The following FSD2 variants were observed in gnomAD, a reference collection of about 807,000 sequenced individuals.
FSD2 encodes the protein fibronectin type III and SPRY domain-containing protein 2.
A neutral mutation model predicts 80.4 loss-of-function variants in FSD2; 71 were observed. The observed-to-expected ratio is 0.88, with a 90% CI of 0.73 to 1.08. The LOEUF is 1.08. Among genes scored for constraint, FSD2 ranks in the 50% least tolerant of loss-of-function variants. FSD2 has a pLI of 0.00. For synonymous variants in FSD2, 361 were observed against 329.5 expected, an observed-to-expected ratio of 1.10 and a Z score of -1.03; for missense variants, 923 against 913.8, an observed-to-expected ratio of 1.01 and a Z score of -0.13.
chr15:82,798,815 C>T (rs1320929496), intron 1 of FSD2, among the ~76,000 whole-genome samples: 1 of 151,930 alleles, frequency 6.6e-6, no homozygotes, highest in Admixed American at 6.6e-5. Context: ...CTTTTAATAG[C>T]CACTTCCCAA....
intron 1 of FSD2, among the ~76,000 whole-genome samples, chr15:82,789,381 A>AATAATG (rs2050085094): frequency 6.6e-6 from 1 of 151,476 alleles, no homozygotes; most frequent in African/African-American, 2.4e-5. Context: ...TAATAATAAT[A>AATAATG]GTAAATACAA....
chr15:82,789,264 A>G (rs1463780051), intron 1 of FSD2, among the ~76,000 whole-genome samples: 1 of 151,996 alleles, frequency 6.6e-6, no homozygotes, highest in Non-Finnish European at 1.5e-5. Flanking sequence ...AAAGACATAC[A>G]ATATGATGTT....
In FSD2 at chr15:82,759,618, CATA is replaced by C. The variant is rs374791806; in HGVS notation, c.1998-21_1998-19del. The C allele has an allele frequency of 1.8e-4, 278 of 1,529,512 alleles. No individual in the cohort carries two copies. In the African/African-American group the frequency reaches 3.6e-3, roughly 20 times the overall value. 94.7% of individuals were successfully genotyped at this position (1,529,512 alleles called of 1,614,324 possible). A position where few individuals can be genotyped will look rare whatever the true frequency, so the allele number is the denominator to read the frequency against. On this transcript the variant is annotated intron_variant, in intron 12 of 12. Coordinates refer to ENST00000334574, the MANE Select transcript of FSD2 (RefSeq NM_001007122.4). The stretch of plus-strand genomic sequence containing the variant: ...ACTTATGCCTGAAAATTAAATTTGA[CATA>C]ATAAAGTTTCAGTAATTCTATAGAT...
At chr15:82,799,213 T>C (rs1385528326) in intron 1 of FSD2, among the ~76,000 whole-genome samples, 2 of 152,156 alleles carry the variant, frequency 1.3e-5, no homozygotes, top group Non-Finnish European at 2.9e-5. Context: ...TATAACATTT[T>C]CTCATGGCCT....
At chr15:82,766,597 C>G (rs2049428141) in intron 9 of FSD2, among the ~76,000 whole-genome samples, 1 of 151,960 alleles carries the variant, frequency 6.6e-6, no homozygotes. Flanking sequence ...CAAAAATTAA[C>G]CGAGTGTGGT....
rs767332395 is a variant in FSD2, at chr15:82,759,559, A to G, written c.2039T>C (p.Ile680Thr). Residue 680 changes from isoleucine to threonine, a missense_variant, in exon 13 of 13, where the codon ATA becomes ACA. Transcript: ENST00000334574. ...CTTCTTTGGTGGAACTGTTATTCTTATATCTGGAGTTGTTCTGTTGTGCAG... is the reference window on the plus strand; with the variant it reads ...CTTCTTTGGTGGAACTGTTATTCTTGTATCTGGAGTTGTTCTGTTGTGCAG... ...EFLHNRTTPD[I>T]RITVPPKKIG... 4 of 1,602,512 alleles carry G rather than the reference A, an allele frequency of 2.5e-6. No homozygotes were observed. In the Admixed American group the frequency reaches 5.2e-5, roughly 21 times the overall value.
Position 82,772,130 on chromosome 15 carries a change from T to A in FSD2, c.1210A>T (p.Ser404Cys). 1 of 1,609,368 alleles carries A rather than the reference T, an allele frequency of 6.2e-7. No homozygotes were observed. The highest frequency in any genetic ancestry group is 8.5e-7 in the Non-Finnish European group (1 of 1,178,266). Residue 404 changes from serine (S) to cysteine (C), a missense_variant, in exon 7 of 13, where the codon AGC (serine) becomes TGC (cysteine). Coordinates refer to ENST00000334574, the MANE Select transcript of FSD2 (RefSeq NM_001007122.4). ...ACTGGCCGGTAGGACAGCTGATAGC[T>A]CTCCACAGTGTCGTCGGAGTATAAG... is the stretch of plus-strand genomic sequence containing the variant. ...WSLYSDDTVE[S>C]YQLSYRPVQD...
chr15:82,797,036 A>C (rs1302085903), intron 1 of FSD2, among the ~76,000 whole-genome samples: 24 of 143,024 alleles, frequency 1.7e-4, no homozygotes, highest in African/African-American at 2.2e-4. Flanking sequence ...AAAAAAAAAA[A>C]AAAAACACCT....
chr15:82,769,132 C>A, intron 8 of FSD2, 102 bp from the exon 9 acceptor site: 1 of 1,107,294 alleles, frequency 9.0e-7, no homozygotes, highest in Non-Finnish European at 1.2e-6. Context: ...CTTCCTCCCA[C>A]AAAAGAGATT....
Position 82,758,209 on chromosome 15 carries a change from T to C in FSD2, c.*1139A>G, listed in dbSNP as rs187878655. On this transcript the variant is annotated 3_prime_UTR_variant, in exon 13 of 13. Coordinates refer to ENST00000334574, the MANE Select transcript of FSD2 (RefSeq NM_001007122.4). ...TAGAGGCATCTGTGGGACATGATAC[T>C]GAATTGTAATTGCTTCACAAATGGA... is the stretch of plus-strand genomic sequence containing the variant. 6.6e-6 allele frequency: 1 copy of C among 152,322 alleles called. No individual in the cohort carries two copies. The highest frequency in any genetic ancestry group is 1.9e-4 in the East Asian group (1 of 5,182). The allele number at this position is 152,322 out of a possible 1,614,324, so 9.4% of individuals were successfully genotyped here. A position where few individuals can be genotyped will look rare whatever the true frequency, so the allele number is the denominator to read the frequency against.
At chr15:82,775,226 G>A (rs199780228) in intron 6 of FSD2, among the ~76,000 whole-genome samples, 1 of 150,920 alleles carries the variant, frequency 6.6e-6, no homozygotes, top group Non-Finnish European at 1.5e-5. Context: ...GTGAAACCCC[G>A]TGTCTAATAA....
At chr15:82,771,921 T>C (rs1156823882) in intron 7 of FSD2, among the ~76,000 whole-genome samples, 152 bp downstream of exon 7, 1 of 152,222 alleles carries the variant, frequency 6.6e-6, no homozygotes, top group East Asian at 1.9e-4. Context: ...TTGCTAGCCC[T>C]TTCTGCCCTG....
intron 1 of FSD2, among the ~76,000 whole-genome samples, chr15:82,800,556 G>A (rs182190634): frequency 1.1e-3 from 168 of 152,014 alleles, no homozygotes; most frequent in African/African-American, 3.4e-3. Context: ...GCTGGGCGTC[G>A]TGGTGGGTGC....
At chr15:82,788,512 A>G (rs2050064056) in intron 1 of FSD2, among the ~76,000 whole-genome samples, 1 of 151,408 alleles carries the variant, frequency 6.6e-6, no homozygotes, top group Non-Finnish European at 1.5e-5. Context: ...CTCAAAAAAA[A>G]AAAAAAAAAA....
intron 6 of FSD2, among the ~76,000 whole-genome samples, chr15:82,775,501 A>G (rs370319672): frequency 3.9e-5 from 6 of 152,060 alleles, no homozygotes; most frequent in Non-Finnish European, 8.8e-5. Context: ...TGCTCTGGCA[A>G]GGTCTTGTAG....
chr15:82,764,619 C>T (rs897300963), intron 11 of FSD2, among the ~76,000 whole-genome samples: 31 of 150,952 alleles, frequency 2.1e-4, no homozygotes, highest in African/African-American at 7.5e-4. Flanking sequence ...GCTGGGATTA[C>T]AGGCACCCGC....
chr15:82,784,911 C>T (rs1428963335), intron 3 of FSD2, among the ~76,000 whole-genome samples: 3 of 152,196 alleles, frequency 2.0e-5, no homozygotes, highest in Non-Finnish European at 4.4e-5. Context: ...CTAGGGCACA[C>T]ACAGGGGACT....
Position 82,772,211 on chromosome 15 carries a change from T to C in FSD2, c.1129A>G (p.Ile377Val), listed in dbSNP as rs2049597925. 2 of 1,611,968 alleles carry C rather than the reference T, an allele frequency of 1.2e-6. No individual in the cohort carries two copies. The highest frequency in any genetic ancestry group is 1.1e-5 in the South Asian group (1 of 90,452). Residue 377 changes from isoleucine to valine, a missense_variant, in exon 7 of 13, where the codon ATA (isoleucine) becomes GTA (valine). Coordinates refer to ENST00000334574, the MANE Select transcript of FSD2 (RefSeq NM_001007122.4). The part of the protein sequence containing the change: ...NTIPAPSAPV[I>V]NPQVPNSATG... ...GCTGAGTTAGGGACCTGTGGATTTA[T>C]GACTGGAGCAGAAGGAGCTAGGAAA...
rs1165689534 is a variant in FSD2 at position 82,755,658 on chromosome 15, A to G, written c.*3690T>C. 2.0e-5 allele frequency: 3 copies of G among 152,992 alleles called. No homozygotes were observed. The Admixed American group carries it at 2.0e-4, about 10-fold the overall frequency. 9.5% of individuals were successfully genotyped at this position (152,992 alleles called of 1,614,324 possible). Reference sequence around the variant, plus strand: ...ACTTGACAAGAACCACCACCTGTTCAGTAGCAACTCTAAAATAAGTACTAA... The same window carrying G: ...ACTTGACAAGAACCACCACCTGTTCGGTAGCAACTCTAAAATAAGTACTAA... On this transcript the variant is annotated 3_prime_UTR_variant, in exon 13 of 13. Transcript: ENST00000334574.
Sources: gnomAD v4.1 joint callset for allele counts (sites outside exome capture counted in the v4.1 genomes callset) on GRCh38, gnomAD v4.1.1 for gene constraint, MANE v1.5 for transcripts, NCBI Gene and HGNC (gene_info 2026-07-23, HGNC 2026-07-21) for gene names.